Variants in PSD3 observed in about 807,000 individuals in gnomAD.
PSD3 encodes the protein PH and SEC7 domain-containing protein 3.
Under a neutral mutation model 105.5 loss-of-function variants are expected in PSD3, and 49 were observed. The ratio of observed to expected loss-of-function variants is 0.46; its 90% confidence interval spans 0.37 to 0.59. The LOEUF is 0.59. Ranked by LOEUF, PSD3 falls within the 20% of genes least tolerant of loss-of-function variation. The pLI, the probability that PSD3 is intolerant of heterozygous loss-of-function variation, is 0.00. For synonymous variants in PSD3, 557 were observed against 457.8 expected (o/e 1.22, Z -2.77); for missense variants, 1,561 against 1,263.8 (o/e 1.24, Z -3.57).
chr8:18,693,644 C>T (rs1007569425), intron 9 of PSD3, among the ~76,000 whole-genome samples: 1 of 152,198 alleles, frequency 6.6e-6, no homozygotes, highest in African/African-American at 2.4e-5. Flanking sequence ...GAGTCGGTGA[C>T]AGAGCCCCCC....
intron 11 of PSD3, among the ~76,000 whole-genome samples, chr8:18,632,391 T>C (rs576579166): frequency 3.3e-5 from 5 of 152,180 alleles, no homozygotes; most frequent in African/African-American, 4.8e-5. Flanking sequence ...AATGAATAAA[T>C]TGAAAGGAGT....
intron 4 of PSD3, among the ~76,000 whole-genome samples, chr8:18,835,283 C>T (rs917013875): frequency 1.3e-5 from 2 of 152,098 alleles, no homozygotes; most frequent in African/African-American, 4.8e-5. Context: ...AATAAGACCA[C>T]AAAAGAAACA....
intron 10 of PSD3, among the ~76,000 whole-genome samples, chr8:18,643,662 G>C (rs934099545): frequency 6.6e-6 from 1 of 152,230 alleles, no homozygotes; most frequent in Non-Finnish European, 1.5e-5. Flanking sequence ...AAGACTTAAA[G>C]CTGGAGAATA....
intron 1 of PSD3, among the ~76,000 whole-genome samples, chr8:18,941,971 C>T (rs1436874265): frequency 6.6e-6 from 1 of 152,100 alleles, no homozygotes; most frequent in African/African-American, 2.4e-5. Flanking sequence ...CTGCCACACC[C>T]AGCCTAGAAT....
intron 8 of PSD3, among the ~76,000 whole-genome samples, chr8:18,768,199 T>A (rs1335226762): frequency 6.8e-6 from 1 of 147,890 alleles, no homozygotes; most frequent in Non-Finnish European, 1.5e-5. Flanking sequence ...GGCAGAAGAA[T>A]CACTTGAACC....
chr8:18,996,962 T>C (rs1244774329), intron 1 of PSD3, among the ~76,000 whole-genome samples: 2 of 151,840 alleles, frequency 1.3e-5, no homozygotes, highest in East Asian at 3.8e-4. Flanking sequence ...TTGAAGTGGT[T>C]TTTTCACATG....
chr8:19,042,064 TTTTTA>T (rs1563526006), intron 1 of PSD3, among the ~76,000 whole-genome samples: 1 of 152,220 alleles, frequency 6.6e-6, no homozygotes, highest in Admixed American at 6.5e-5. Context: ...ATTAAAATTG[TTTTTA>T]TTTTGTGTGT....
chr8:18,841,467 AACACACACAC>A (rs35771611), intron 4 of PSD3, among the ~76,000 whole-genome samples: 29 of 148,242 alleles, frequency 2.0e-4, no homozygotes, highest in Non-Finnish European at 3.0e-4. Flanking sequence ...CTGCTATTTA[AACACACACAC>A]ACACACACAC....
chr8:18,571,548 A>G (rs1457471901), intron 14 of PSD3, among the ~76,000 whole-genome samples: 1 of 152,112 alleles, frequency 6.6e-6, no homozygotes, highest in African/African-American at 2.4e-5. Context: ...TCATTTTACA[A>G]TGACTTCCTT....
At chr8:18,845,068 C>T (rs376599828) in intron 4 of PSD3, among the ~76,000 whole-genome samples, 16 of 152,098 alleles carry the variant, frequency 1.1e-4, no homozygotes, top group Admixed American at 9.2e-4. Context: ...AAAATTTTAA[C>T]TTGAGGATAA....
In PSD3 at chr8:18,535,765, C is replaced by T. The variant is rs746910193; in HGVS notation, c.3122G>A (p.Ser1041Asn). ...ERKDHRPETP[S>N]IKQKVT ...ACTCTAAGTAACTTTTTGCTTAATG[C>T]TTGGTGTTTCAGGTCGGTGATCCTT... The change falls in exon 16 of 16, where the codon AGC becomes AAC. Residue 1041 changes from serine to asparagine, a missense_variant. By Grantham distance (46) the Ser-to-Asn change is conservative (BLOSUM62 1). Transcript: ENST00000327040. 5 of 1,613,636 alleles carry T rather than the reference C, an allele frequency of 3.1e-6. No individual in the cohort carries two copies. The South Asian group carries it at 3.3e-5, about 11-fold the overall frequency.
At chr8:18,986,890 C>G (rs1368910495) in intron 1 of PSD3, among the ~76,000 whole-genome samples, 2 of 152,126 alleles carry the variant, frequency 1.3e-5, no homozygotes, top group African/African-American at 4.8e-5. Flanking sequence ...TTTTCTGGAC[C>G]TCACACACCG....
chr8:18,667,053 A>C (rs1309245388), intron 9 of PSD3, among the ~76,000 whole-genome samples: 1 of 151,936 alleles, frequency 6.6e-6, no homozygotes, highest in Non-Finnish European at 1.5e-5. Flanking sequence ...TGGCTTCAGG[A>C]GTGAAGCTGC....
intron 11 of PSD3, 63 bp downstream of exon 11, chr8:18,632,550 C>A: frequency 6.6e-7 from 1 of 1,507,840 alleles, no homozygotes; most frequent in East Asian, 2.3e-5. Context: ...GATAAATTCC[C>A]TTTAAATTTT....
intron 2 of PSD3, among the ~76,000 whole-genome samples, chr8:18,897,019 C>T (rs1819196837): frequency 6.6e-6 from 1 of 152,000 alleles, no homozygotes. Context: ...CATGTTGAGG[C>T]TGGTCTCGAA....
intron 8 of PSD3, among the ~76,000 whole-genome samples, chr8:18,768,116 C>CAAAAAAAAAAAAAA (rs774203727): frequency 2.1e-5 from 2 of 97,360 alleles, no homozygotes. Flanking sequence ...ACTGAAAATA[C>CAAAAAAAAAAAAAA]AAAAAAAAAA....
intron 4 of PSD3, among the ~76,000 whole-genome samples, chr8:18,810,393 A>T (rs1375041338): frequency 2.0e-5 from 3 of 152,222 alleles, no homozygotes; most frequent in African/African-American, 7.2e-5. Flanking sequence ...TAATCCTGGA[A>T]AAAAACTGAC....
intron 4 of PSD3, among the ~76,000 whole-genome samples, chr8:18,841,168 CA>C (rs1814590339): frequency 1.3e-5 from 2 of 152,208 alleles, no homozygotes; most frequent in Non-Finnish European, 2.9e-5. Flanking sequence ...AGGCCTAAGG[CA>C]GCTAGGTAGT....
At chr8:18,871,138 G>A (rs1428726955) in intron 3 of PSD3, among the ~76,000 whole-genome samples, 2 of 152,086 alleles carry the variant, frequency 1.3e-5, no homozygotes, top group Non-Finnish European at 2.9e-5. Flanking sequence ...GAAATTGAGT[G>A]GGCCAAGAAC....
Sources: allele counts gnomAD v4.1 joint callset (sites outside exome capture counted in the v4.1 genomes callset), GRCh38; gene constraint gnomAD v4.1.1; transcripts MANE v1.5; gene names NCBI Gene and HGNC (gene_info 2026-07-23, HGNC 2026-07-21).